Variants in PXK observed in about 807,000 individuals in gnomAD.
PXK encodes PX domain-containing protein kinase-like protein.
In PXK, 35 loss-of-function variants were observed where a neutral mutation model predicts 84.7. That is an observed-to-expected ratio of 0.41 (90% CI 0.32 to 0.55). The LOEUF (loss-of-function observed/expected upper bound fraction) is 0.55. Among genes scored for constraint, PXK ranks in the 20% least tolerant of loss-of-function variants. The probability of loss-of-function intolerance (pLI) is 0.21; values close to 1 mark genes in which losing one functional copy is unlikely to be tolerated. For synonymous variants in PXK, 253 were observed against 260.8 expected (o/e 0.97, Z 0.29); for missense variants, 634 against 699.7 (o/e 0.91, Z 1.06).
intron 3 of PXK, among the ~76,000 whole-genome samples, chr3:58,378,616 C>G (rs1045477302): frequency 3.4e-5 from 5 of 146,420 alleles, no homozygotes; most frequent in Non-Finnish European, 7.4e-5. Flanking sequence ...CTCACCGCAA[C>G]CTCTGCCTCC....
At position 58,333,025 on chromosome 3, in the gene PXK, C is replaced by A; in HGVS notation, c.37C>A (p.Leu13Met). 7.3e-7 allele frequency: 1 copy of A among 1,366,954 alleles called. No homozygotes were observed. The highest frequency in any genetic ancestry group is 9.6e-7 in the Non-Finnish European group (1 of 1,046,834). 84.7% of individuals were successfully genotyped at this position (1,366,954 alleles called of 1,614,324 possible). A position where few individuals can be genotyped will look rare whatever the true frequency, so the allele number is the denominator to read the frequency against. Residue 13 changes from leucine to methionine, a missense_variant, in exon 1 of 18, where the codon CTG becomes ATG. This residue lies in a region of PXK where 353 missense variants were observed against 385.2 expected (regional missense o/e 0.92). Coordinates refer to ENST00000356151, the MANE Select transcript of PXK (RefSeq NM_017771.5). This position sits in a 1 kb window ranked among gnomAD's most constrained non-coding sequence, Gnocchi z 5.4. Reference protein sequence around the residue: ...FMEKPPAGKVLLDDTVPLTAA... With the variant: ...FMEKPPAGKVMLDDTVPLTAA... Reference sequence around the variant, plus strand: ...GGAGAAGCCGCCAGCCGGCAAGGTGCTGCTGGACGACACGGTGCCGCTGAC... The same window carrying A: ...GGAGAAGCCGCCAGCCGGCAAGGTGATGCTGGACGACACGGTGCCGCTGAC...
chr3:58,420,481 A>G (rs2107779496), intron 17 of PXK: 15 of 1,527,104 alleles, frequency 9.8e-6, no homozygotes, highest in South Asian at 9.5e-5. Context: ...ATGACACTAA[A>G]ATCTGAATAA....
At chr3:58,395,620 C>A in intron 8 of PXK, 38 bp from the exon 9 acceptor site, 1 of 1,519,718 alleles carries the variant, frequency 6.6e-7, no homozygotes, top group Non-Finnish European at 9.1e-7. Context: ...ATTGGCCCCT[C>A]TGCTGCTTTC....
chr3:58,358,359 T>G (rs1056193270), intron 1 of PXK, among the ~76,000 whole-genome samples: 5 of 152,224 alleles, frequency 3.3e-5, no homozygotes, highest in African/African-American at 1.2e-4. Flanking sequence ...TCATTCTTAA[T>G]GTTCCTTTAC....
intron 4 of PXK, among the ~76,000 whole-genome samples, chr3:58,386,666 C>T (rs1227723995): frequency 6.6e-6 from 1 of 152,166 alleles, no homozygotes; most frequent in East Asian, 1.9e-4. Context: ...CATCTTCCTG[C>T]CTCAGTCCTT....
At chr3:58,424,509 T>C (rs549377233) in intron 17 of PXK, among the ~76,000 whole-genome samples, 37 of 152,346 alleles carry the variant, frequency 2.4e-4, no homozygotes, top group African/African-American at 8.9e-4. Context: ...ATGTAATCTG[T>C]AATTATTTGT....
intron 3 of PXK, among the ~76,000 whole-genome samples, chr3:58,371,497 A>G (rs1219576897): frequency 6.6e-6 from 1 of 152,236 alleles, no homozygotes; most frequent in Non-Finnish European, 1.5e-5. Context: ...TTGCTTGTGC[A>G]TAAAGGGGGC....
At chr3:58,404,519 G>T (rs1241069919) in intron 13 of PXK, among the ~76,000 whole-genome samples, 1 of 152,152 alleles carries the variant, frequency 6.6e-6, no homozygotes, top group African/African-American at 2.4e-5. Context: ...CTCCTGGGGG[G>T]TAGTGTACAA....
At chr3:58,418,958 A>G (rs1308902791) in intron 17 of PXK, among the ~76,000 whole-genome samples, 1 of 152,246 alleles carries the variant, frequency 6.6e-6, no homozygotes, top group African/African-American at 2.4e-5. Context: ...GAAAAGGCAT[A>G]CAAGTTTATT....
chr3:58,384,603 T>G (rs1029220145), intron 4 of PXK, among the ~76,000 whole-genome samples: 1 of 152,200 alleles, frequency 6.6e-6, no homozygotes, highest in Non-Finnish European at 1.5e-5. Context: ...TGTTTCACCT[T>G]GATTGTTCCC....
In PXK at chr3:58,369,504, A is replaced by G. The variant is rs372227172; in HGVS notation, c.201+26A>G. On this transcript the variant is annotated intron_variant, in intron 3 of 17. Coordinates refer to ENST00000356151, the MANE Select transcript of PXK (RefSeq NM_017771.5). ...GTAAATGTTTTGAAATTCTAATTAC[A>G]CACATTGATTACTTGGGGTGTCTAA... 5.7e-6 allele frequency: 9 copies of G among 1,580,188 alleles called. No individual in the cohort carries two copies. In the African/African-American group the frequency reaches 1.2e-4, roughly 21 times the overall value.
Position 58,390,997 on chromosome 3 carries a change from G to C in PXK, c.467-150G>C. 1 of 610,964 alleles carries C rather than the reference G, an allele frequency of 1.6e-6. No individual in the cohort carries two copies. The highest frequency in any genetic ancestry group is 2.9e-6 in the Non-Finnish European group (1 of 347,404). 37.8% of individuals were successfully genotyped at this position (610,964 alleles called of 1,614,324 possible). On this transcript the variant is annotated intron_variant, in intron 5 of 17. Transcript: ENST00000356151. This position sits in a 1 kb window ranked among gnomAD's most constrained non-coding sequence, Gnocchi z 4.2. Reference sequence around the variant, plus strand: ...TCTTTTTAAGTATAGCCTTTACTATGCCAACGTTATCAAATGGTTCTTTTA... The same window carrying C: ...TCTTTTTAAGTATAGCCTTTACTATCCCAACGTTATCAAATGGTTCTTTTA...
chr3:58,346,754 C>T (rs1270997181), intron 1 of PXK, among the ~76,000 whole-genome samples: 1 of 147,196 alleles, frequency 6.8e-6, no homozygotes, highest in African/African-American at 2.5e-5. Flanking sequence ...ACCTTCTGGG[C>T]TTAAGCGGTC....
chr3:58,417,199 C>T (rs187154922), intron 17 of PXK, among the ~76,000 whole-genome samples: 1 of 152,330 alleles, frequency 6.6e-6, no homozygotes, highest in Non-Finnish European at 1.5e-5. Context: ...GCCACAGCAC[C>T]TGGCCTCACA....
chr3:58,382,767 C>T (rs1433464026), intron 4 of PXK, 67 bp downstream of exon 4: 28 of 1,187,004 alleles, frequency 2.4e-5, no homozygotes, highest in East Asian at 8.3e-5. Flanking sequence ...CTGGAGATAA[C>T]GTATGTGGGA....
At position 58,400,635 on chromosome 3, in the gene PXK, G is replaced by A. The variant is rs548107650; in HGVS notation, c.1181+1258G>A. On this transcript the variant is annotated intron_variant, in intron 12 of 17. Coordinates refer to ENST00000356151, the MANE Select transcript of PXK (RefSeq NM_017771.5). This position sits in a 1 kb window ranked among gnomAD's most constrained non-coding sequence, Gnocchi z 4.0. ...TAATAATAATGTAATAATGTGGGCC[G>A]GGCAGTGGCTCATGCCTATAATCCC... is the stretch of plus-strand genomic sequence containing the variant. Among the ~76,000 whole-genome samples, 14 of 152,350 alleles carry A rather than the reference G, an allele frequency of 9.2e-5. No individual in the cohort carries two copies. The highest frequency in any genetic ancestry group is 2.2e-4 in the African/African-American group (9 of 41,590).
At chr3:58,343,247 A>G (rs1481055198) in intron 1 of PXK, among the ~76,000 whole-genome samples, 3 of 152,230 alleles carry the variant, frequency 2.0e-5, no homozygotes, top group African/African-American at 7.2e-5. Context: ...TTAGTCCTGC[A>G]TACGTTCCTC....
In PXK at chr3:58,390,536, C is replaced by A. The variant is rs1357171292; in HGVS notation, c.389-46C>A. The A allele has an allele frequency of 6.7e-7, 1 of 1,490,152 alleles. No homozygotes were observed. The highest frequency in any genetic ancestry group is 9.3e-7 in the Non-Finnish European group (1 of 1,073,664). The allele number at this position is 1,490,152 out of a possible 1,614,324, so 92.3% of individuals were successfully genotyped here. A position where few individuals can be genotyped will look rare whatever the true frequency, so the allele number is the denominator to read the frequency against. Reference sequence around the variant, plus strand: ...AGAATAATATCTTCAGCATATGGCCCTTTCCTGATATGTCTGACTAATGGG... The same window carrying A: ...AGAATAATATCTTCAGCATATGGCCATTTCCTGATATGTCTGACTAATGGG... On this transcript the variant is annotated intron_variant, in intron 4 of 17. Transcript: ENST00000356151. The surrounding 1 kb of genome is among the most constrained non-coding windows in gnomAD (Gnocchi z 4.2).
At chr3:58,362,864 C>G (rs1307301038) in intron 1 of PXK, among the ~76,000 whole-genome samples, 1 of 152,108 alleles carries the variant, frequency 6.6e-6, no homozygotes, top group Non-Finnish European at 1.5e-5. Context: ...CAAGTGCGTA[C>G]CACCATGCCC....
Sources: gnomAD v4.1 joint callset for allele counts (sites outside exome capture counted in the v4.1 genomes callset) on GRCh38, gnomAD v4.1.1 for gene constraint, gnomAD v4.1.1 regional missense constraint, Gnocchi (gnomAD v3.1) non-coding constraint, MANE v1.5 for transcripts, NCBI Gene and HGNC (gene_info 2026-07-23, HGNC 2026-07-21) for gene names.